Variants in RGS6 observed in about 807,000 individuals in gnomAD.
RGS6 encodes regulator of G-protein signaling 6.
A neutral mutation model predicts 78.5 loss-of-function variants in RGS6; 30 were observed. The ratio of observed to expected loss-of-function variants is 0.38; its 90% CI spans 0.29 to 0.52. RGS6 has a LOEUF of 0.52. Among genes scored for constraint, RGS6 ranks in the 20% least tolerant of loss-of-function variants. The pLI, the probability that RGS6 is intolerant of heterozygous loss-of-function variation, is 0.85. For synonymous variants in RGS6, 206 were observed against 206.0 expected (o/e 1.00, Z 0.00); for missense variants, 495 against 609.7 (o/e 0.81, Z 1.98).
At chr14:72,103,101 T>A (rs1294523296) in intron 2 of RGS6, among the ~76,000 whole-genome samples, 3 of 152,206 alleles carry the variant, frequency 2.0e-5, no homozygotes, top group African/African-American at 7.2e-5. Flanking sequence ...CTTTCTTATC[T>A]CTCATATAAT....
At chr14:72,090,945 G>T (rs921585469) in intron 2 of RGS6, among the ~76,000 whole-genome samples, 2 of 152,196 alleles carry the variant, frequency 1.3e-5, no homozygotes, top group Non-Finnish European at 2.9e-5. Flanking sequence ...TGGGACTGAA[G>T]TCTTGCTCCT....
At chr14:72,617,247 C>G in the RGS6 span, among the ~76,000 whole-genome samples, 4 of 152,208 alleles carry the variant, frequency 2.6e-5, no homozygotes, top group Non-Finnish European at 5.9e-5. Flanking sequence ...GCTTTTTAAA[C>G]TTTTAAGCTA....
chr14:72,451,194 C>T (rs1566879662), intron 3 of RGS6, among the ~76,000 whole-genome samples: 1 of 152,330 alleles, frequency 6.6e-6, no homozygotes, highest in East Asian at 1.9e-4. Context: ...GGCAGCCGCT[C>T]AGCCCTTGCC....
intron 2 of RGS6, among the ~76,000 whole-genome samples, chr14:72,271,318 G>C (rs966276328): frequency 6.6e-6 from 1 of 152,220 alleles, no homozygotes; most frequent in Non-Finnish European, 1.5e-5. Context: ...GCAGGCAAGA[G>C]AGCTTGTGCA....
At chr14:72,573,536 C>T in the RGS6 span, among the ~76,000 whole-genome samples, 2 of 152,212 alleles carry the variant, frequency 1.3e-5, no homozygotes, top group East Asian at 1.9e-4. Flanking sequence ...AACCACTGAA[C>T]CAGATGCCCC....
chr14:72,597,549 T>C, the RGS6 span, among the ~76,000 whole-genome samples: 1 of 152,222 alleles, frequency 6.6e-6, no homozygotes, highest in East Asian at 1.9e-4. Context: ...GCTGAATTAA[T>C]AGATGTTTTG....
At chr14:71,898,520 T>G in the RGS6 span, among the ~76,000 whole-genome samples, 1 of 152,184 alleles carries the variant, frequency 6.6e-6, no homozygotes, top group Non-Finnish European at 1.5e-5. Context: ...ATTATTTTGC[T>G]TTAAGTTCTG....
At chr14:72,118,983 TTGCTTCAG>T (rs1427670133) in intron 2 of RGS6, among the ~76,000 whole-genome samples, 5 of 152,226 alleles carry the variant, frequency 3.3e-5, no homozygotes, top group Non-Finnish European at 5.9e-5. Context: ...GTCCATTCTT[TTGCTTCAG>T]TGCATGTTTT....
intron 2 of RGS6, among the ~76,000 whole-genome samples, chr14:72,331,429 C>T (rs1019383812): frequency 6.6e-6 from 1 of 152,102 alleles, no homozygotes; most frequent in Non-Finnish European, 1.5e-5. Context: ...GAATGCCCAA[C>T]GAAGTTTTTA....
chr14:72,114,424 A>T (rs183432476), intron 2 of RGS6, among the ~76,000 whole-genome samples: 1 of 152,294 alleles, frequency 6.6e-6, no homozygotes, highest in Non-Finnish European at 1.5e-5. Flanking sequence ...AACCTATGGT[A>T]GTTGATAATT....
At chr14:71,876,380 A>G in the RGS6 span, among the ~76,000 whole-genome samples, 2 of 147,450 alleles carry the variant, frequency 1.4e-5, no homozygotes, top group African/African-American at 5.0e-5. Context: ...TGTTGAATTG[A>G]TCCCTTTACC....
chr14:72,186,260 T>C (rs2097244457), intron 2 of RGS6, among the ~76,000 whole-genome samples: 1 of 152,256 alleles, frequency 6.6e-6, no homozygotes, highest in South Asian at 2.1e-4. Context: ...ATCTGTCTGC[T>C]ATCCTGACCT....
chr14:72,475,024 G>A (rs2096199922), intron 10 of RGS6, among the ~76,000 whole-genome samples: 1 of 151,860 alleles, frequency 6.6e-6, no homozygotes, highest in South Asian at 2.1e-4. Context: ...GGAGTGGGTG[G>A]GGGTGGGGGG....
chr14:72,071,348 G>A (rs927976888), intron 2 of RGS6, among the ~76,000 whole-genome samples: 1 of 152,070 alleles, frequency 6.6e-6, no homozygotes, highest in African/African-American at 2.4e-5. Context: ...TTCCAGTTTT[G>A]CTGCTAAGAA....
In RGS6 at chr14:72,434,607, A is replaced by G. The variant is rs527336373; in HGVS notation, c.185-19921A>G. 3.2e-3 allele frequency among the ~76,000 whole-genome samples: 493 copies of G among 152,312 alleles called. 3 individuals carry two copies. The highest frequency in any genetic ancestry group is 0.011 in the African/African-American group (471 of 41,574). ...CCCAGGCTGATCTCAACAAGTAAACATTAGTTTATTCATCTGTCTTCTCCC... is the reference window on the plus strand; with the variant it reads ...CCCAGGCTGATCTCAACAAGTAAACGTTAGTTTATTCATCTGTCTTCTCCC... On this transcript the variant is annotated intron_variant, in intron 3 of 17. Coordinates refer to ENST00000553525, the MANE Select transcript of RGS6 (RefSeq NM_001204424.2).
chr14:72,478,889 C>T (rs1448397006), intron 12 of RGS6, among the ~76,000 whole-genome samples: 1 of 152,200 alleles, frequency 6.6e-6, no homozygotes, highest in African/African-American at 2.4e-5. Context: ...TAGTTCCACT[C>T]CGTTAACTCA....
At chr14:72,230,408 C>A (rs956128344) in intron 2 of RGS6, among the ~76,000 whole-genome samples, 1 of 152,070 alleles carries the variant, frequency 6.6e-6, no homozygotes, top group Non-Finnish European at 1.5e-5. Context: ...TGTGAAAAGA[C>A]AGGAAGGCAG....
chr14:72,509,323 C>G (rs1172807044), intron 13 of RGS6, among the ~76,000 whole-genome samples: 2 of 151,442 alleles, frequency 1.3e-5, no homozygotes, highest in Non-Finnish European at 2.9e-5. Context: ...CACAATCACG[C>G]CACTGCACTC....
At chr14:72,416,072 C>T (rs985093922) in intron 3 of RGS6, among the ~76,000 whole-genome samples, 16 of 150,294 alleles carry the variant, frequency 1.1e-4, no homozygotes, top group Admixed American at 4.0e-4. Flanking sequence ...TGCTTGAACC[C>T]GGGAGGCGGA....
Sources: gnomAD v4.1 joint callset for allele counts (sites outside exome capture counted in the v4.1 genomes callset) on GRCh38, gnomAD v4.1.1 for gene constraint, MANE v1.5 for transcripts, NCBI Gene and HGNC (gene_info 2026-07-23, HGNC 2026-07-21) for gene names.